The following SDF4 variants were observed in gnomAD, a reference collection of about 807,000 sequenced individuals.
SDF4 encodes the protein stromal cell derived factor 4, also known as 45 kDa calcium-binding protein.
SDF4 carries 22 observed loss-of-function variants against 34.2 expected under a neutral mutation model. The observed-to-expected ratio is 0.64, with a 90% CI of 0.46 to 0.92. SDF4 has a LOEUF of 0.92. SDF4 is among the 40% of genes least tolerant of loss of function. The probability of loss-of-function intolerance (pLI) is 0.00; values close to 1 mark genes in which losing one functional copy is unlikely to be tolerated. For synonymous variants in SDF4, 236 were observed against 203.1 expected (o/e 1.16, Z -1.38); for missense variants, 447 against 499.9 (o/e 0.89, Z 1.01).
chr1:1,221,593 G>A lies in SDF4; in HGVS notation c.556+1651C>T, dbSNP rs1344475689. On this transcript the variant is annotated intron_variant, in intron 4 of 6. Transcript: ENST00000360001. ...TGGAGGCTACAGGTGAGCTGAGATCGCACCACTGCACTCCAGCCTGGGCAA... is the reference window on the plus strand; with the variant it reads ...TGGAGGCTACAGGTGAGCTGAGATCACACCACTGCACTCCAGCCTGGGCAA... Among the ~76,000 whole-genome samples, 3 of 151,912 alleles carry A rather than the reference G, an allele frequency of 2.0e-5. No individual in the cohort carries two copies. The South Asian group carries it at 6.2e-4, about 32-fold the overall frequency.
intron 4 of SDF4, chr1:1,219,206 C>T (rs907863532): frequency 4.0e-6 from 5 of 1,258,184 alleles, no homozygotes; most frequent in South Asian, 1.5e-5. Flanking sequence ...AGCCTGGACC[C>T]CCCCCTGCCC....
Position 1,223,422 on chromosome 1 carries a change from ATGGGGTCTTGCTC to A in SDF4, c.443-78_443-66del, listed in dbSNP as rs1570482589. The A allele has an allele frequency of 4.2e-6, 5 of 1,193,152 alleles. No homozygotes were observed. The East Asian group carries it at 1.2e-4, about 28-fold the overall frequency. The allele number at this position is 1,193,152 out of a possible 1,614,324, so 73.9% of individuals were successfully genotyped here. A position where few individuals can be genotyped will look rare whatever the true frequency, so the allele number is the denominator to read the frequency against. ...GAGCTGAACTTCCTTCTCAACTGAG[ATGGGGTCTTGCTC>A]TGCTGCCCAGGCTGGAAGCGGCAGG... On this transcript the variant is annotated intron_variant, in intron 3 of 6. Coordinates refer to ENST00000360001, the MANE Select transcript of SDF4 (RefSeq NM_016176.6).
At chr1:1,231,740 G>A (rs1638508606) in intron 1 of SDF4, among the ~76,000 whole-genome samples, 152 bp downstream of exon 1, 1 of 152,196 alleles carries the variant, frequency 6.6e-6, no homozygotes, top group Non-Finnish European at 1.5e-5. Context: ...CCCGGTGGCG[G>A]CGGAGTCTCG....
chr1:1,224,711 G>C (rs1382607635), intron 2 of SDF4, among the ~76,000 whole-genome samples: 2 of 152,216 alleles, frequency 1.3e-5, no homozygotes, highest in African/African-American at 4.8e-5. Flanking sequence ...AGAAGTTCAA[G>C]ACCAGCTTGG....
At chr1:1,220,284 A>G (rs888040836) in intron 4 of SDF4, 7 of 1,076,224 alleles carry the variant, frequency 6.5e-6, no homozygotes, top group African/African-American at 1.7e-5. Flanking sequence ...AAGAGGACGC[A>G]GACCCAGAGA....
At chr1:1,221,014 G>C in intron 4 of SDF4, 2 of 347,830 alleles carry the variant, frequency 5.7e-6, no homozygotes, top group South Asian at 4.4e-5. Context: ...CGGCATGCTG[G>C]GAGGCTGCGG....
At position 1,217,354 on chromosome 1, in the gene SDF4, G is replaced by A; in HGVS notation, c.*158C>T. On this transcript the variant is annotated 3_prime_UTR_variant, in exon 7 of 7. Coordinates refer to ENST00000360001, the MANE Select transcript of SDF4 (RefSeq NM_016176.6). The surrounding 1 kb of genome is among the most constrained non-coding windows in gnomAD (Gnocchi z 8.5). Reference sequence around the variant, plus strand: ...AAGCCCCGCCGGGGTGCGCGCTGCAGAGGGGACACGCCGCTCATCAACTGG... The same window carrying A: ...AAGCCCCGCCGGGGTGCGCGCTGCAAAGGGGACACGCCGCTCATCAACTGG... The A allele has an allele frequency of 4.0e-6, 2 of 505,906 alleles. No homozygotes were observed. Among genetic ancestry groups the A allele is most frequent in the Non-Finnish European group, 5.8e-6 (2 of 341,960 alleles). The allele number at this position is 505,906 out of a possible 1,614,324, so 31.3% of individuals were successfully genotyped here. A position where few individuals can be genotyped will look rare whatever the true frequency, so the allele number is the denominator to read the frequency against.
chr1:1,218,861 A>C lies in SDF4; in HGVS notation c.623T>G (p.Leu208Arg), dbSNP rs1357019376. 6.3e-7 allele frequency: 1 copy of C among 1,598,308 alleles called. No homozygotes were observed. The highest frequency in any genetic ancestry group is 1.7e-5 in the Admixed American group (1 of 59,272). The change falls in exon 5 of 7, where the codon CTG becomes CGG. Residue 208 changes from leucine (L) to arginine (R), a missense_variant. By Grantham distance (102) the Leu-to-Arg change is moderately radical (BLOSUM62 -2). Transcript: ENST00000360001. The surrounding 1 kb of genome is among the most constrained non-coding windows in gnomAD (Gnocchi z 7.9). ...YQADSPPADL[L>R]LTEEEFLSFL... The stretch of plus-strand genomic sequence containing the variant: ...CGACAGGAACTCCTCCTCCGTCAGC[A>C]GCAGGTCTGCAGGGGGGCTGTCCGC...
chr1:1,222,945 C>T (rs565360709), intron 4 of SDF4, among the ~76,000 whole-genome samples: 15 of 152,262 alleles, frequency 9.9e-5, no homozygotes, highest in African/African-American at 2.6e-4. Context: ...ACACGCACAG[C>T]GCACTCGTAC....
At chr1:1,220,650 AAC>A in intron 4 of SDF4, 1 of 1,289,086 alleles carries the variant, frequency 7.8e-7, no homozygotes, top group East Asian at 5.5e-5. Flanking sequence ...GTGAATTCTA[AAC>A]ACACCTCTGC....
chr1:1,218,961 G>A lies in SDF4; in HGVS notation c.557-34C>T, dbSNP rs751836289. ...GGCGCAGCCTGTGGGTATCGAGGCCGACAGACGCCAGCACGCAAATCCAGA... is the reference window on the plus strand; with the variant it reads ...GGCGCAGCCTGTGGGTATCGAGGCCAACAGACGCCAGCACGCAAATCCAGA... On this transcript the variant is annotated intron_variant, in intron 4 of 6. Coordinates refer to ENST00000360001, the MANE Select transcript of SDF4 (RefSeq NM_016176.6). This position sits in a 1 kb window ranked among gnomAD's most constrained non-coding sequence, Gnocchi z 7.9. 2.8e-5 allele frequency: 45 copies of A among 1,612,214 alleles called. No homozygotes were observed. The highest frequency in any genetic ancestry group is 5.3e-5 in the African/African-American group (4 of 74,890).
In SDF4 at chr1:1,222,295, C is replaced by T. The variant is rs141004658; in HGVS notation, c.556+949G>A. The stretch of plus-strand genomic sequence containing the variant: ...CTCACAACTGGGCCAGCAGGGGCTT[C>T]TGCCTGGACGGCTCTCCCAGACCTG... On this transcript the variant is annotated intron_variant, in intron 4 of 6. Transcript: ENST00000360001. 2.4e-3 allele frequency among the ~76,000 whole-genome samples: 373 copies of T among 152,366 alleles called. 3 individuals are homozygous for T. The highest frequency in any genetic ancestry group is 8.5e-3 in the African/African-American group (354 of 41,588).
At position 1,217,659 on chromosome 1, in the gene SDF4, G is replaced by A. The variant is rs139426313; in HGVS notation, c.921C>T (p.Asn307=). ...ESYMDPMNEY[N]ALNEAKQMIA... ...TCATCTGCTTGGCCTCGTTCAGCGC[G>A]TTGTACTCGTTCATGGGGTCCATGT... is the stretch of plus-strand genomic sequence containing the variant. Residue 307 remains asparagine, a synonymous_variant, in exon 7 of 7, where the codon AAC becomes AAT. Coordinates refer to ENST00000360001, the MANE Select transcript of SDF4 (RefSeq NM_016176.6). This position sits in a 1 kb window ranked among gnomAD's most constrained non-coding sequence, Gnocchi z 8.5. The A allele has an allele frequency of 6.6e-4, 1,072 of 1,613,860 alleles. 4 individuals are homozygous for A. The African/African-American group carries it at 0.013, about 19-fold the overall frequency.
Position 1,230,578 on chromosome 1 carries a change from G to A in SDF4, c.-175+1314C>T, listed in dbSNP as rs185564854. On this transcript the variant is annotated intron_variant, in intron 1 of 6. Coordinates refer to ENST00000360001, the MANE Select transcript of SDF4 (RefSeq NM_016176.6). ...CAGGTTCAAGTGATTCTCCTGCCTC[G>A]GCCTCCCAGTTAGCTGGGATTACAG... is the stretch of plus-strand genomic sequence containing the variant. Among the ~76,000 whole-genome samples the A allele has an allele frequency of 9.2e-5, 14 of 151,908 alleles. No homozygotes were observed. The East Asian group carries it at 1.6e-3, about 17-fold the overall frequency.
intron 4 of SDF4, among the ~76,000 whole-genome samples, chr1:1,222,325 C>G (rs79339398): frequency 0.11 from 17,429 of 152,254 alleles, 1,139 homozygotes; most frequent in East Asian, 0.17. Context: ...GACCTGGCCC[C>G]GTGCAGGGTG....
At chr1:1,231,537 G>T (rs1426679098) in intron 1 of SDF4, among the ~76,000 whole-genome samples, 1 of 152,258 alleles carries the variant, frequency 6.6e-6, no homozygotes, top group Non-Finnish European at 1.5e-5. Context: ...GTTCAGAAGC[G>T]GAAGCGCAGG....
At chr1:1,223,190 C>T (rs984004584) in intron 4 of SDF4, 54 bp downstream of exon 4, 30 of 1,198,752 alleles carry the variant, frequency 2.5e-5, no homozygotes, top group Admixed American at 3.4e-5. Context: ...ACAACACACG[C>T]GCGCACACAC....
chr1:1,219,210 C>A (rs1162294042), intron 4 of SDF4: 6 of 1,256,766 alleles, frequency 4.8e-6, no homozygotes, highest in African/African-American at 3.3e-5. Flanking sequence ...TGGACCCCCC[C>A]CTGCCCCAGA....
At chr1:1,219,519 G>GT (rs1649783637) in intron 4 of SDF4, 2 of 992,746 alleles carry the variant, frequency 2.0e-6, no homozygotes, top group Admixed American at 1.1e-4. Context: ...TCCTTCACGT[G>GT]TGACGTCACA....
Sources: gnomAD v4.1 joint callset for allele counts (sites outside exome capture counted in the v4.1 genomes callset) on GRCh38, gnomAD v4.1.1 for gene constraint, Gnocchi (gnomAD v3.1) non-coding constraint, MANE v1.5 for transcripts, NCBI Gene and HGNC (gene_info 2026-07-23, HGNC 2026-07-21) for gene names.